Variants in ZNF480 observed in about 807,000 individuals in gnomAD.
The protein encoded by ZNF480 is zinc finger protein 480.
Under a neutral mutation model 14.4 loss-of-function variants are expected in ZNF480, and 15 were observed. The observed-to-expected ratio is 1.04, with a 90% CI of 0.70 to 1.60. The LOEUF is 1.60. Ranked by LOEUF, ZNF480 falls within the 40% of genes most tolerant of loss-of-function variation. ZNF480 has a pLI of 0.00. For synonymous variants in ZNF480, 218 were observed against 215.5 expected, an observed-to-expected ratio of 1.01 and a Z score of -0.10; for missense variants, 593 against 629.7, an observed-to-expected ratio of 0.94 and a Z score of 0.62.
At chr19:52,317,071 G>C (rs1257456185) in intron 4 of ZNF480, among the ~76,000 whole-genome samples, 1 of 152,088 alleles carries the variant, frequency 6.6e-6, no homozygotes, top group Non-Finnish European at 1.5e-5. Context: ...AGGCTGAAGT[G>C]CAGTGGCGTG....
chr19:52,314,612 T>TA (rs1271506003), intron 3 of ZNF480, among the ~76,000 whole-genome samples: 1 of 151,222 alleles, frequency 6.6e-6, no homozygotes, highest in Non-Finnish European at 1.5e-5. Context: ...GAGACCAGCC[T>TA]GGCCAACATG....
intron 3 of ZNF480, 133 bp from the exon 4 acceptor site, chr19:52,315,698 CAGA>C (rs1274664512): frequency 9.9e-7 from 1 of 1,006,962 alleles, no homozygotes; most frequent in African/African-American, 1.6e-5. Flanking sequence ...CCTAAGCATT[CAGA>C]AGGAGGCAGT....
intron 2 of ZNF480, among the ~76,000 whole-genome samples, chr19:52,303,702 C>T (rs2122518982): frequency 6.6e-6 from 1 of 152,276 alleles, no homozygotes; most frequent in Non-Finnish European, 1.5e-5. Flanking sequence ...GCCTCAGCCT[C>T]CTTTGTTAAT....
intron 4 of ZNF480, among the ~76,000 whole-genome samples, chr19:52,320,939 T>G (rs1449717798): frequency 6.6e-6 from 1 of 152,186 alleles, no homozygotes; most frequent in Non-Finnish European, 1.5e-5. Context: ...ACTATACCAC[T>G]GCACTCCAGC....
At position 52,325,047 on chromosome 19, in the gene ZNF480, A is replaced by C. The variant is rs1321892104; in HGVS notation, c.*2189A>C. On this transcript the variant is annotated 3_prime_UTR_variant, in exon 5 of 5. Coordinates refer to ENST00000595962, the MANE Select transcript of ZNF480 (RefSeq NM_144684.4). ...CAAAGATCTAATCCAGAATCTATAA[A>C]GAACTCAAACAAATCAACAATGAGA... The C allele has an allele frequency of 1.3e-5, 2 of 152,226 alleles. No individual in the cohort carries two copies. Among genetic ancestry groups the C allele is most frequent in the Non-Finnish European group, 2.9e-5 (2 of 68,036 alleles). 9.4% of individuals were successfully genotyped at this position (152,226 alleles called of 1,614,324 possible). A position where few individuals can be genotyped will look rare whatever the true frequency, so the allele number is the denominator to read the frequency against.
At chr19:52,300,749 G>A (rs1020977491) in intron 2 of ZNF480, 2 of 538,204 alleles carry the variant, frequency 3.7e-6, no homozygotes, top group Non-Finnish European at 6.5e-6. Context: ...CTGCGAACAG[G>A]GTTTGACCCA....
At chr19:52,307,186 C>T (rs1172913050) in intron 2 of ZNF480, among the ~76,000 whole-genome samples, 1 of 152,168 alleles carries the variant, frequency 6.6e-6, no homozygotes, top group East Asian at 1.9e-4. Flanking sequence ...CTACCTTTTC[C>T]CAGACCTCTA....
In ZNF480 at chr19:52,314,285, G is replaced by A. The variant is rs758000495; in HGVS notation, c.199+6G>A. The A allele has an allele frequency of 5.2e-6, 8 of 1,534,256 alleles. No homozygotes were observed. The highest frequency in any genetic ancestry group is 5.3e-6 in the Non-Finnish European group (6 of 1,134,976). Reference sequence around the variant, plus strand: ...CAGGAACCTGGTCTCCCTGGGTGAGGATCATGCCCCTGCAGAAGCCGGGAT... The same window carrying A: ...CAGGAACCTGGTCTCCCTGGGTGAGAATCATGCCCCTGCAGAAGCCGGGAT... On this transcript the variant is annotated splice_donor_region_variant and intron_variant, in intron 3 of 4. Transcript: ENST00000595962.
intron 2 of ZNF480, among the ~76,000 whole-genome samples, chr19:52,312,400 TC>T (rs1983330457): frequency 6.6e-6 from 1 of 152,158 alleles, no homozygotes; most frequent in Admixed American, 6.5e-5. Flanking sequence ...GACCTTGTGA[TC>T]CACCCGCCTT....
intron 4 of ZNF480, among the ~76,000 whole-genome samples, chr19:52,321,006 G>A (rs1197292318): frequency 6.6e-6 from 1 of 152,046 alleles, no homozygotes; most frequent in Non-Finnish European, 1.5e-5. Context: ...TATTTGTCTA[G>A]TAATTTAGAG....
intron 4 of ZNF480, among the ~76,000 whole-genome samples, chr19:52,319,984 A>G (rs1423427062): frequency 6.6e-6 from 1 of 151,280 alleles, no homozygotes; most frequent in African/African-American, 2.4e-5. Context: ...TGTCCATCTA[A>G]TTTTTGTATT....
intron 4 of ZNF480, among the ~76,000 whole-genome samples, chr19:52,320,473 C>T (rs935845989): frequency 2.6e-5 from 4 of 152,112 alleles, no homozygotes; most frequent in Admixed American, 6.5e-5. Context: ...GGCAATATCA[C>T]GAGCCCTTGT....
chr19:52,315,510 C>T (rs1400043814), intron 3 of ZNF480, among the ~76,000 whole-genome samples: 3 of 151,102 alleles, frequency 2.0e-5, no homozygotes, highest in African/African-American at 4.9e-5. Flanking sequence ...TAGTAGAGAC[C>T]GAGTTTCTCT....
intron 4 of ZNF480, 24 bp downstream of exon 4, chr19:52,315,986 G>A: frequency 1.3e-6 from 2 of 1,563,238 alleles, no homozygotes; most frequent in Non-Finnish European, 1.7e-6. Flanking sequence ...TGGGCATGGT[G>A]GAAGCCATGC....
Position 52,322,930 on chromosome 19 carries a change from A to T in ZNF480, c.*72A>T. ...AGCCTTACTACCCATCTTTTATTCC[A>T]TACTGCAAAGAAATTTTGCAAATGT... On this transcript the variant is annotated 3_prime_UTR_variant, in exon 5 of 5. Transcript: ENST00000595962. The T allele has an allele frequency of 7.2e-7, 1 of 1,397,504 alleles. No individual in the cohort carries two copies. Among genetic ancestry groups the T allele is most frequent in the Non-Finnish European group, 9.5e-7 (1 of 1,053,812 alleles). 86.6% of individuals were successfully genotyped at this position (1,397,504 alleles called of 1,614,324 possible). A position where few individuals can be genotyped will look rare whatever the true frequency, so the allele number is the denominator to read the frequency against.
chr19:52,311,790 T>C (rs1191862581), intron 2 of ZNF480, among the ~76,000 whole-genome samples: 2 of 151,758 alleles, frequency 1.3e-5, no homozygotes, highest in Non-Finnish European at 2.9e-5. Context: ...CTGGACAACA[T>C]AGTGAGACCC....
At chr19:52,309,014 C>T (rs911941103) in intron 2 of ZNF480, among the ~76,000 whole-genome samples, 59 of 152,270 alleles carry the variant, frequency 3.9e-4, no homozygotes, top group African/African-American at 1.3e-3. Context: ...CTCTCAGTCT[C>T]ACTGGGACCC....
intron 2 of ZNF480, among the ~76,000 whole-genome samples, chr19:52,306,976 C>T (rs1600214846): frequency 6.6e-6 from 1 of 151,718 alleles, no homozygotes; most frequent in South Asian, 2.1e-4. Context: ...ACCTCTCCCT[C>T]CTTTGCTGCT....
chr19:52,297,280 A>T (rs993480541), intron 1 of ZNF480, 57 bp downstream of exon 1: 1 of 446,968 alleles, frequency 2.2e-6, no homozygotes, highest in Non-Finnish European at 4.5e-6. Flanking sequence ...GCGCTTCTGT[A>T]CCCGGGATCT....
Sources: gnomAD v4.1 joint callset for allele counts (sites outside exome capture counted in the v4.1 genomes callset) on GRCh38, gnomAD v4.1.1 for gene constraint, MANE v1.5 for transcripts, NCBI Gene and HGNC (gene_info 2026-07-23, HGNC 2026-07-21) for gene names.